NEBL: variants seen among roughly 807,000 people sequenced by gnomAD.
The protein encoded by NEBL is nebulette.
NEBL carries 122 observed loss-of-function variants against 140.2 expected under a neutral mutation model. That is an observed-to-expected ratio of 0.87 (90% CI 0.75 to 1.01). The LOEUF is 1.01. Among genes scored for constraint, NEBL ranks in the 50% least tolerant of loss-of-function variants. The pLI is 0.00. For missense variants in NEBL, 1,365 were observed against 1,231.3 expected, an observed-to-expected ratio of 1.11 and a Z score of -1.62; for synonymous variants, 436 against 398.9, an observed-to-expected ratio of 1.09 and a Z score of -1.11.
chr10:21,108,222 C>T (rs1837811722), intron 2 of NEBL, among the ~76,000 whole-genome samples: 1 of 152,076 alleles, frequency 6.6e-6, no homozygotes, highest in South Asian at 2.1e-4. Flanking sequence ...TTTGTTTGCT[C>T]TTGCTTCTCT....
intron 2 of NEBL, chr10:21,126,226 T>C (rs972268576): frequency 3.4e-6 from 4 of 1,179,380 alleles, no homozygotes; most frequent in Non-Finnish European, 4.8e-6. Context: ...TTGCTGGTTA[T>C]GTTTCAGAAC....
chr10:21,259,143 A>G (rs187974680), intron 1 of NEBL, among the ~76,000 whole-genome samples: 1 of 151,356 alleles, frequency 6.6e-6, no homozygotes, highest in Admixed American at 6.6e-5. Context: ...GCTGGAGTGC[A>G]GTGGCAGAAT....
chr10:21,192,810 C>T (rs1759445256), intron 3 of NEBL, among the ~76,000 whole-genome samples: 1 of 150,808 alleles, frequency 6.6e-6, no homozygotes, highest in Non-Finnish European at 1.5e-5. Flanking sequence ...ATGCCTTGCA[C>T]TCCAGCCTGG....
chr10:21,220,963 T>G (rs991440147), intron 3 of NEBL, among the ~76,000 whole-genome samples: 2 of 152,120 alleles, frequency 1.3e-5, no homozygotes, highest in Non-Finnish European at 2.9e-5. Context: ...CAGACCAGCC[T>G]GGGTAACACA....
At position 20,785,807 on chromosome 10, in the gene NEBL, T is replaced by C. The variant is rs534621300; in HGVS notation, c.2985A>G (p.Thr995=). 29 of 1,614,102 alleles carry C rather than the reference T, an allele frequency of 1.8e-5. 1 individual carries two copies. In the South Asian group the frequency reaches 2.9e-4, roughly 16 times the overall value. The change falls in exon 28 of 28, where the codon ACA becomes ACG. Residue 995 remains threonine, a synonymous_variant. Transcript: ENST00000377122. ...TTCCTGTTCTCCCTGTTCTCTGCAC[T>C]GTGCCGTACATCCAGCCATCGTCAA... ...QPIDDGWMYG[T]VQRTGRTGML...
At chr10:21,104,360 A>G (rs1357363577) in intron 2 of NEBL, among the ~76,000 whole-genome samples, 2 of 152,170 alleles carry the variant, frequency 1.3e-5, no homozygotes, top group Non-Finnish European at 2.9e-5. Context: ...CTTCCAATCT[A>G]TGAGCATTGT....
chr10:21,169,069 T>TATATATATATATATAC (rs1840957069), intron 2 of NEBL, among the ~76,000 whole-genome samples: 1 of 24,586 alleles, frequency 4.1e-5, no homozygotes, highest in Admixed American at 4.8e-4. Context: ...AAAAAAAAAA[T>TATATATATATATATAC]ATATATATAT....
chr10:21,243,916 C>T (rs562550963), intron 3 of NEBL, among the ~76,000 whole-genome samples: 4 of 108,586 alleles, frequency 3.7e-5, no homozygotes, highest in East Asian at 5.1e-4. Flanking sequence ...GGAAGGAAGG[C>T]GAAAGGGAAA....
intron 1 of NEBL, among the ~76,000 whole-genome samples, chr10:21,274,547 T>C (rs1003754583): frequency 1.3e-5 from 2 of 152,136 alleles, no homozygotes; most frequent in Non-Finnish European, 2.9e-5. Flanking sequence ...TGCCTCAGCC[T>C]CCCGAGTAGC....
chr10:21,061,077 T>C (rs1835252801), intron 2 of NEBL, among the ~76,000 whole-genome samples: 1 of 151,600 alleles, frequency 6.6e-6, no homozygotes, highest in Non-Finnish European at 1.5e-5. Context: ...TAAATAGAGG[T>C]CATTAGGGTG....
At chr10:20,866,450 T>C (rs1239770941) in intron 7 of NEBL, among the ~76,000 whole-genome samples, 2 of 152,242 alleles carry the variant, frequency 1.3e-5, no homozygotes, top group East Asian at 1.9e-4. Flanking sequence ...TATTATGTTC[T>C]CTAAGCAATG....
At chr10:20,981,632 A>G (rs1217352450) in intron 3 of NEBL, among the ~76,000 whole-genome samples, 1 of 151,940 alleles carries the variant, frequency 6.6e-6, no homozygotes, top group Non-Finnish European at 1.5e-5. Flanking sequence ...ATACTTCCCT[A>G]TTTCAGTGAC....
At chr10:21,222,185 C>T (rs996665734) in intron 3 of NEBL, among the ~76,000 whole-genome samples, 1 of 152,126 alleles carries the variant, frequency 6.6e-6, no homozygotes, top group South Asian at 2.1e-4. Context: ...GTGGCTCACA[C>T]CTGTAATCCC....
chr10:21,234,297 C>T (rs72798599), intron 3 of NEBL, among the ~76,000 whole-genome samples: 2 of 151,896 alleles, frequency 1.3e-5, no homozygotes, highest in Non-Finnish European at 2.9e-5. Context: ...TCATGTGGGC[C>T]GATCCCTTAT....
At chr10:21,042,121 A>C (rs1834297647) in intron 2 of NEBL, among the ~76,000 whole-genome samples, 2 of 152,290 alleles carry the variant, frequency 1.3e-5, no homozygotes, top group Non-Finnish European at 2.9e-5. Context: ...CCAAAGCTCT[A>C]ATGCTAAAAA....
At position 20,813,921 on chromosome 10, in the gene NEBL, G is replaced by T. The variant is rs1408434148; in HGVS notation, c.2346+18C>A. On this transcript the variant is annotated intron_variant, in intron 23 of 27. Coordinates refer to ENST00000377122, the MANE Select transcript of NEBL (RefSeq NM_006393.3). ...CCATTCCTTAGCATGTTTTAAGAAT[G>T]ATCTGGTTGGACCCTACCATTGAAA... The T allele has an allele frequency of 1.4e-6, 2 of 1,465,050 alleles. No homozygotes were observed. Among genetic ancestry groups the T allele is most frequent in the African/African-American group, 1.4e-5 (1 of 71,714 alleles). 90.8% of individuals were successfully genotyped at this position (1,465,050 alleles called of 1,614,324 possible).
intron 2 of NEBL, among the ~76,000 whole-genome samples, chr10:21,112,236 C>CT (rs1564515294): frequency 6.6e-6 from 1 of 152,142 alleles, no homozygotes; most frequent in African/African-American, 2.4e-5. Flanking sequence ...GATCCCATTA[C>CT]TGGGTATATA....
At chr10:20,996,191 C>G (rs377643193) in intron 3 of NEBL, among the ~76,000 whole-genome samples, 1 of 152,158 alleles carries the variant, frequency 6.6e-6, no homozygotes, top group South Asian at 2.1e-4. Flanking sequence ...TGTGCCACTA[C>G]GATGTGATAC....
chr10:21,022,405 C>T (rs1421897475), intron 2 of NEBL, among the ~76,000 whole-genome samples: 3 of 152,192 alleles, frequency 2.0e-5, no homozygotes, highest in Non-Finnish European at 2.9e-5. Flanking sequence ...CTACCCAAAG[C>T]ACGCTAGCAC....
Sources: gnomAD v4.1 joint callset for allele counts (sites outside exome capture counted in the v4.1 genomes callset) on GRCh38, gnomAD v4.1.1 for gene constraint, MANE v1.5 for transcripts, NCBI Gene and HGNC (gene_info 2026-07-23, HGNC 2026-07-21) for gene names.